Variants in POPDC2 observed in about 807,000 individuals in gnomAD.
POPDC2 encodes the protein popeye domain-containing protein 2.
Under a neutral mutation model 30.5 loss-of-function variants are expected in POPDC2, and 24 were observed. The observed-to-expected ratio is 0.79, with a 90% confidence interval of 0.57 to 1.11. The LOEUF (loss-of-function observed/expected upper bound fraction) is 1.11. Among genes scored for constraint, POPDC2 ranks in the 50% least tolerant of loss-of-function variants. The pLI is 0.00. For synonymous variants in POPDC2, 185 were observed against 183.3 expected, an observed-to-expected ratio of 1.01 and a Z score of -0.07; for missense variants, 409 against 447.0, an observed-to-expected ratio of 0.91 and a Z score of 0.77.
At chr3:119,654,802 T>A in intron 1 of POPDC2, 189 bp from the exon 2 acceptor site, 1 of 557,060 alleles carries the variant, frequency 1.8e-6, no homozygotes, top group Non-Finnish European at 3.2e-6. Context: ...AAGGAACCCA[T>A]TGAGACTTCC....
At position 119,642,562 on chromosome 3, in the gene POPDC2, C is replaced by G; in HGVS notation, c.*44-1G>C. The G allele has an allele frequency of 2.5e-6, 4 of 1,605,322 alleles. No individual in the cohort carries two copies. The highest frequency in any genetic ancestry group is 3.4e-6 in the Non-Finnish European group (4 of 1,172,332). Reference sequence around the variant, plus strand: ...TAGCTCTGGAGAGGAATTCTAGAAGCTGTGGAAAGAAAAAGAGGGAGGATT... The same window carrying G: ...TAGCTCTGGAGAGGAATTCTAGAAGGTGTGGAAAGAAAAAGAGGGAGGATT... On this transcript the variant is annotated splice_acceptor_variant, in intron 3 of 3. Transcript: ENST00000493094. LOFTEE classifies it low-confidence loss of function (3UTR_SPLICE).
intron 3 of POPDC2, among the ~76,000 whole-genome samples, chr3:119,646,322 A>T (rs1326758071): frequency 1.3e-5 from 2 of 152,172 alleles, no homozygotes; most frequent in Non-Finnish European, 2.9e-5. Flanking sequence ...GAAGACATAG[A>T]AAATGGACAC....
Position 119,660,099 on chromosome 3 carries a change from C to A in POPDC2, c.325G>T (p.Asp109Tyr). 1 of 1,614,192 alleles carries A rather than the reference C, an allele frequency of 6.2e-7. No homozygotes were observed. Among genetic ancestry groups the A allele is most frequent in the Non-Finnish European group, 8.5e-7 (1 of 1,180,026 alleles). Residue 109 changes from aspartate to tyrosine, a missense_variant, in exon 1 of 4, where the codon GAC (aspartate) becomes TAC (tyrosine). Transcript: ENST00000493094. ...AGGCACAGCGTCTTGTAGAGGAGGT[C>A]AAACTCCTCAGGGAGGGTGTCCTCA... Reference protein sequence around the residue: ...LREDTLPEEFDLLYKTLCLPL... With the variant: ...LREDTLPEEFYLLYKTLCLPL...
chr3:119,642,614 T>C, intron 3 of POPDC2, 53 bp from the exon 4 acceptor site: 1 of 1,263,442 alleles, frequency 7.9e-7, no homozygotes, highest in Non-Finnish European at 1.2e-6. Flanking sequence ...GGACAGTTTG[T>C]CTAACTTCAA....
chr3:119,658,480 C>T (rs1430393977), intron 1 of POPDC2, among the ~76,000 whole-genome samples: 2 of 152,200 alleles, frequency 1.3e-5, no homozygotes. Context: ...AATGGGCACC[C>T]TACACTGGAG....
At chr3:119,651,881 G>A (rs972046822) in intron 2 of POPDC2, among the ~76,000 whole-genome samples, 20 of 152,086 alleles carry the variant, frequency 1.3e-4, no homozygotes, top group African/African-American at 4.6e-4. Context: ...TAATCCAACT[G>A]CCTCGGCCTC....
In POPDC2 at chr3:119,642,385, G is replaced by A; in HGVS notation, c.*220C>T. ...TCTCACCTTGCCTGTGAGCCTTCCAGTGGGTGGGAAAAGAGGCATGCCTAT... is the reference window on the plus strand; with the variant it reads ...TCTCACCTTGCCTGTGAGCCTTCCAATGGGTGGGAAAAGAGGCATGCCTAT... On this transcript the variant is annotated 3_prime_UTR_variant, in exon 4 of 4. Coordinates refer to ENST00000493094, the MANE Select transcript of POPDC2 (RefSeq NM_001369919.2). 1.1e-6 allele frequency: 1 copy of A among 902,680 alleles called. No individual in the cohort carries two copies. Among genetic ancestry groups the A allele is most frequent in the Admixed American group, 1.9e-5 (1 of 53,118 alleles). 55.9% of individuals were successfully genotyped at this position (902,680 alleles called of 1,614,324 possible).
At chr3:119,643,890 G>A (rs2052716730) in intron 3 of POPDC2, among the ~76,000 whole-genome samples, 1 of 152,068 alleles carries the variant, frequency 6.6e-6, no homozygotes. Flanking sequence ...ATAACTTTCA[G>A]CCTATTCAAT....
At chr3:119,644,249 T>C (rs2052721021) in intron 3 of POPDC2, among the ~76,000 whole-genome samples, 1 of 152,192 alleles carries the variant, frequency 6.6e-6, no homozygotes, top group African/African-American at 2.4e-5. Flanking sequence ...AAAATAAAAA[T>C]TGTCCAAATG....
chr3:119,657,355 T>C (rs13076819), intron 1 of POPDC2, among the ~76,000 whole-genome samples: 15,838 of 152,158 alleles, frequency 0.1, 1,044 homozygotes, highest in Admixed American at 0.17. Context: ...TAGGTATACA[T>C]GCGTGTATAC....
intron 3 of POPDC2, among the ~76,000 whole-genome samples, chr3:119,647,059 A>C (rs2052753835): frequency 1.3e-5 from 2 of 152,200 alleles, no homozygotes; most frequent in African/African-American, 2.4e-5. Context: ...TATCTACAAA[A>C]CTAAATCTCT....
chr3:119,652,385 T>C (rs762168130), intron 2 of POPDC2, among the ~76,000 whole-genome samples: 1 of 152,242 alleles, frequency 6.6e-6, no homozygotes, highest in Non-Finnish European at 1.5e-5. Context: ...AAGGACAGGA[T>C]GAACTCTAAC....
intron 1 of POPDC2, among the ~76,000 whole-genome samples, chr3:119,658,561 A>G (rs2052904308): frequency 6.6e-6 from 1 of 152,232 alleles, no homozygotes; most frequent in South Asian, 2.1e-4. Flanking sequence ...CTCATGAATG[A>G]GCAAGTTCCC....
rs1290062254 is a variant in POPDC2, at chr3:119,648,128, TG to T, written c.*33del. ...CCTTCTGAGTACTTACATAGGATCC[TG>T]AGCCGGTGGCTGTGCCCATGTTAGT... is the stretch of plus-strand genomic sequence containing the variant. On this transcript the variant is annotated 3_prime_UTR_variant, in exon 3 of 4. Transcript: ENST00000493094. The T allele has an allele frequency of 2.2e-5, 33 of 1,471,074 alleles. No homozygotes were observed. The Admixed American group carries it at 5.2e-4, about 23-fold the overall frequency. The allele number at this position is 1,471,074 out of a possible 1,614,324, so 91.1% of individuals were successfully genotyped here.
At position 119,642,233 on chromosome 3, in the gene POPDC2, T is replaced by A; in HGVS notation, c.*372A>T. 1 of 329,574 alleles carries A rather than the reference T, an allele frequency of 3.0e-6. No homozygotes were observed. Among genetic ancestry groups the A allele is most frequent in the East Asian group, 5.2e-5 (1 of 19,160 alleles). The allele number at this position is 329,574 out of a possible 1,614,324, so 20.4% of individuals were successfully genotyped here. On this transcript the variant is annotated 3_prime_UTR_variant, in exon 4 of 4. Coordinates refer to ENST00000493094, the MANE Select transcript of POPDC2 (RefSeq NM_001369919.2). Reference sequence around the variant, plus strand: ...AACTTGCCCAAGATTCTGCAGCTGGTAAAGGACGGAATCTGTGCCTCTGCA... The same window carrying A: ...AACTTGCCCAAGATTCTGCAGCTGGAAAAGGACGGAATCTGTGCCTCTGCA...
chr3:119,648,316 T>C lies in POPDC2; in HGVS notation c.953A>G (p.Asn318Ser). The C allele has an allele frequency of 6.2e-7, 1 of 1,613,736 alleles. No homozygotes were observed. The change falls in exon 3 of 4, where the codon AAC (asparagine) becomes AGC (serine). Residue 318 changes from asparagine to serine, a missense_variant. Asn to Ser is a conservative substitution (Grantham distance 46). Coordinates refer to ENST00000493094, the MANE Select transcript of POPDC2 (RefSeq NM_001369919.2). The part of the protein sequence containing the change: ...PPCSTPPATT[N>S]FPAPPTRARL... ...GGCCCGGGTAGGAGGTGCAGGAAAG[T>C]TGGTGGTAGCTGGAGGGGTAGAACA...
upstream of POPDC2, chr3:119,660,780 A>G (rs1307886102): frequency 1.0e-5 from 2 of 195,858 alleles, no homozygotes; most frequent in African/African-American, 2.3e-5. Flanking sequence ...TCTTAGCAGA[A>G]AAACCTAAAT....
intron 2 of POPDC2, among the ~76,000 whole-genome samples, chr3:119,650,745 T>C (rs2052798729): frequency 6.6e-6 from 1 of 152,222 alleles, no homozygotes; most frequent in Non-Finnish European, 1.5e-5. Context: ...GCTTTAAATA[T>C]CATCTGCATA....
rs773109401 is a variant in POPDC2, at chr3:119,660,407, C to A, written c.17G>T (p.Ser6Ile). The change falls in exon 1 of 4, where the codon AGC becomes ATC. Residue 6 changes from serine to isoleucine, a missense_variant. Physicochemically the swap from Ser to Ile is moderately radical, Grantham distance 142. Coordinates refer to ENST00000493094, the MANE Select transcript of POPDC2 (RefSeq NM_001369919.2). Reference sequence around the variant, plus strand: ...CTGCAAGAGAAGCTGGCCCACTCTGCTGCTGTTGGCGCTCATCTTTGGGGC... The same window carrying A: ...CTGCAAGAGAAGCTGGCCCACTCTGATGCTGTTGGCGCTCATCTTTGGGGC... Reference protein sequence around the residue: MSANSSRVGQLLLQGS... With the variant: MSANSIRVGQLLLQGS... 3 of 1,612,212 alleles carry A rather than the reference C, an allele frequency of 1.9e-6. No individual in the cohort carries two copies. In the Admixed American group the frequency reaches 5.0e-5, roughly 27 times the overall value.
Sources: gnomAD v4.1 joint callset for allele counts (sites outside exome capture counted in the v4.1 genomes callset) on GRCh38, gnomAD v4.1.1 for gene constraint, MANE v1.5 for transcripts, NCBI Gene and HGNC (gene_info 2026-07-23, HGNC 2026-07-21) for gene names.